Variants in CRIM1 observed in about 807,000 individuals in gnomAD.
CRIM1 encodes cysteine-rich motor neuron 1 protein.
Under a neutral mutation model 116.4 loss-of-function variants are expected in CRIM1, and 32 were observed. That is an observed-to-expected ratio of 0.27 (90% CI 0.21 to 0.37). The LOEUF is 0.37. Ranked by LOEUF, CRIM1 falls within the 10% of genes least tolerant of loss-of-function variation. The pLI is 1.00. For synonymous variants in CRIM1, 590 were observed against 509.2 expected (o/e 1.16, Z -2.13); for missense variants, 1,331 against 1,354.8 (o/e 0.98, Z 0.28).
At chr2:36,500,390 T>A (rs990514004) in intron 8 of CRIM1, among the ~76,000 whole-genome samples, 2 of 152,170 alleles carry the variant, frequency 1.3e-5, no homozygotes, top group Admixed American at 1.3e-4. Context: ...TGGCCTAAGT[T>A]TGCATTAGCT....
rs765612388 is a variant in CRIM1, at chr2:36,512,345, C to G, written c.1731C>G (p.Pro577=). The change falls in exon 10 of 17, where the codon CCC becomes CCG. Residue 577 remains proline, a synonymous_variant. Transcript: ENST00000280527. ...CPELSCSKIC[P]LGFQQDSHGC... ...AGCTCTCATGCAGTAAGATCTGCCC[C>G]TTGGGTTTCCAGCAGGACAGTCACG... The G allele has an allele frequency of 2.5e-6, 4 of 1,613,896 alleles. No homozygotes were observed. The South Asian group carries it at 4.4e-5, about 18-fold the overall frequency.
At chr2:36,417,853 G>A (rs745576674) in intron 2 of CRIM1, among the ~76,000 whole-genome samples, 4 of 152,176 alleles carry the variant, frequency 2.6e-5, no homozygotes, top group Non-Finnish European at 4.4e-5. Context: ...CAGGATTACT[G>A]AGAAAGGAGT....
At chr2:36,527,306 TC>T (rs1311125284) in intron 13 of CRIM1, among the ~76,000 whole-genome samples, 14 of 152,238 alleles carry the variant, frequency 9.2e-5, no homozygotes, top group African/African-American at 2.9e-4. Flanking sequence ...TCTTTAAGGA[TC>T]TGTGAAAATG....
At chr2:36,475,518 C>A (rs762535199) in intron 5 of CRIM1, among the ~76,000 whole-genome samples, 4 of 152,184 alleles carry the variant, frequency 2.6e-5, no homozygotes, top group Non-Finnish European at 5.9e-5. Flanking sequence ...ATCATGTCAT[C>A]TGCAATTAGA....
Position 36,546,344 on chromosome 2 carries a change from C to T in CRIM1, c.2747-640C>T, listed in dbSNP as rs369336085. Among the ~76,000 whole-genome samples, 15 of 152,176 alleles carry T rather than the reference C, an allele frequency of 9.9e-5. No individual in the cohort carries two copies. The East Asian group carries it at 2.1e-3, about 22-fold the overall frequency. ...ACATAAAGGTCATCATTCATAAGTG[C>T]AAAACTAAATGTAGTCACCTATGCG... On this transcript the variant is annotated intron_variant, in intron 15 of 16. Transcript: ENST00000280527.
At chr2:36,452,964 A>G (rs1383349418) in intron 4 of CRIM1, among the ~76,000 whole-genome samples, 1 of 152,226 alleles carries the variant, frequency 6.6e-6, no homozygotes, top group Non-Finnish European at 1.5e-5. Flanking sequence ...TTGCTATGTC[A>G]TCATCATGGC....
chr2:36,393,243 T>A (rs951960775), intron 1 of CRIM1, among the ~76,000 whole-genome samples: 3 of 152,170 alleles, frequency 2.0e-5, no homozygotes, highest in Non-Finnish European at 4.4e-5. Context: ...ATGTGCCCAG[T>A]ATTCCAAGCA....
intron 1 of CRIM1, among the ~76,000 whole-genome samples, chr2:36,391,232 C>T (rs1362145683): frequency 7.0e-6 from 1 of 143,206 alleles, no homozygotes; most frequent in Non-Finnish European, 1.5e-5. Context: ...GGGTTCATGA[C>T]ATTCTCCTGC....
At position 36,469,063 on chromosome 2, in the gene CRIM1, T is replaced by C. The variant is rs1678280432; in HGVS notation, c.991+4408T>C. Among the ~76,000 whole-genome samples, 4 of 152,362 alleles carry C rather than the reference T, an allele frequency of 2.6e-5. No individual in the cohort carries two copies. The South Asian group carries it at 6.2e-4, about 24-fold the overall frequency. On this transcript the variant is annotated intron_variant, in intron 5 of 16. Transcript: ENST00000280527. Reference sequence around the variant, plus strand: ...TTTTTAGCCTTACGGTATTTAATACTGAACCATTTGTTCTGACAGCATAGT... The same window carrying C: ...TTTTTAGCCTTACGGTATTTAATACCGAACCATTTGTTCTGACAGCATAGT...
chr2:36,547,319 A>T, intron 16 of CRIM1, 148 bp downstream of exon 16: 1 of 649,144 alleles, frequency 1.5e-6, no homozygotes, highest in South Asian at 1.9e-5. Context: ...TATAGTATGA[A>T]TCAAATACAT....
intron 4 of CRIM1, among the ~76,000 whole-genome samples, chr2:36,444,746 G>A (rs1198818551): frequency 2.0e-5 from 3 of 152,234 alleles, no homozygotes; most frequent in South Asian, 2.1e-4. Context: ...TCATTTGTTC[G>A]CTTTGAACAG....
At chr2:36,423,285 C>A (rs1674207733) in intron 2 of CRIM1, among the ~76,000 whole-genome samples, 1 of 152,210 alleles carries the variant, frequency 6.6e-6, no homozygotes, top group South Asian at 2.1e-4. Context: ...AACCACGTGA[C>A]CACCCAGGGT....
intron 1 of CRIM1, among the ~76,000 whole-genome samples, chr2:36,384,143 G>GA (rs2148343759): frequency 6.6e-6 from 1 of 152,372 alleles, no homozygotes; most frequent in South Asian, 2.1e-4. Flanking sequence ...AGTCTTGCCA[G>GA]AAGTTGAGGT....
intron 2 of CRIM1, among the ~76,000 whole-genome samples, chr2:36,427,374 G>A (rs1674535711): frequency 6.6e-6 from 1 of 152,124 alleles, no homozygotes; most frequent in Non-Finnish European, 1.5e-5. Flanking sequence ...ATCAGCAGGA[G>A]ATGTTCAGGT....
chr2:36,471,753 ACACACACC>A (rs752244814), intron 5 of CRIM1, among the ~76,000 whole-genome samples: 26 of 139,716 alleles, frequency 1.9e-4, no homozygotes, highest in Middle Eastern at 3.7e-3. Context: ...ACACACACAC[ACACACACC>A]ATCTTACAAT....
intron 13 of CRIM1, among the ~76,000 whole-genome samples, chr2:36,524,695 G>C (rs943420652): frequency 6.6e-6 from 1 of 151,998 alleles, no homozygotes; most frequent in Non-Finnish European, 1.5e-5. Flanking sequence ...TAAATTATTC[G>C]ACTAGTAAAT....
chr2:36,357,995 G>C (rs1460718830), intron 1 of CRIM1, among the ~76,000 whole-genome samples: 1 of 152,188 alleles, frequency 6.6e-6, no homozygotes, highest in Non-Finnish European at 1.5e-5. Flanking sequence ...TACCTGAATA[G>C]TTTGGGGTTT....
At chr2:36,466,557 C>G (rs1678043256) in intron 5 of CRIM1, among the ~76,000 whole-genome samples, 1 of 152,220 alleles carries the variant, frequency 6.6e-6, no homozygotes, top group Admixed American at 6.5e-5. Context: ...TCATCCAGTG[C>G]TCATCACTTG....
At chr2:36,391,055 C>A (rs916873513) in intron 1 of CRIM1, among the ~76,000 whole-genome samples, 6 of 150,880 alleles carry the variant, frequency 4.0e-5, no homozygotes, top group Non-Finnish European at 7.4e-5. Context: ...AGTCATCTGC[C>A]TTTCTTAGTC....
Sources: gnomAD v4.1 joint callset for allele counts (sites outside exome capture counted in the v4.1 genomes callset) on GRCh38, gnomAD v4.1.1 for gene constraint, MANE v1.5 for transcripts, NCBI Gene and HGNC (gene_info 2026-07-23, HGNC 2026-07-21) for gene names.